SGCD: variants seen among roughly 807,000 people sequenced by gnomAD.
SGCD encodes the protein sarcoglycan delta, also known as delta-sarcoglycan.
In SGCD, 18 loss-of-function variants were observed where a neutral mutation model predicts 36.6. That is an observed-to-expected ratio of 0.49 (90% CI 0.34 to 0.73). The LOEUF (loss-of-function observed/expected upper bound fraction) is 0.73. SGCD is among the 30% of genes least tolerant of loss of function. The probability of loss-of-function intolerance (pLI) is 0.01; values close to 1 mark genes in which losing one functional copy is unlikely to be tolerated. For synonymous variants in SGCD, 133 were observed against 130.6 expected, an observed-to-expected ratio of 1.02 and a Z score of -0.12; for missense variants, 387 against 346.7, an observed-to-expected ratio of 1.12 and a Z score of -0.92.
At chr5:155,946,578 C>G (rs1561659204) in intron 1 of SGCD, among the ~76,000 whole-genome samples, 1 of 151,998 alleles carries the variant, frequency 6.6e-6, no homozygotes, top group African/African-American at 2.4e-5. Context: ...CTCAATCTTC[C>G]TAGAGATTTA....
At chr5:155,807,933 G>A in the SGCD span, among the ~76,000 whole-genome samples, 1 of 152,186 alleles carries the variant, frequency 6.6e-6, no homozygotes, top group Non-Finnish European at 1.5e-5. Context: ...AAAAGAGGCT[G>A]CATTTATTAC....
intron 7 of SGCD, among the ~76,000 whole-genome samples, chr5:156,708,426 C>T (rs282479): frequency 0.028 from 4,294 of 152,172 alleles, 185 homozygotes; most frequent in East Asian, 0.16. Context: ...TGAAAGACAG[C>T]ATGGTATAAG....
At chr5:156,030,875 C>T (rs750408934) in intron 1 of SGCD, among the ~76,000 whole-genome samples, 2 of 152,032 alleles carry the variant, frequency 1.3e-5, no homozygotes, top group Non-Finnish European at 2.9e-5. Context: ...TAGAATATAC[C>T]ATGGACTGTG....
At chr5:156,466,969 A>G (rs1754747765) in intron 3 of SGCD, among the ~76,000 whole-genome samples, 1 of 152,188 alleles carries the variant, frequency 6.6e-6, no homozygotes. Flanking sequence ...CACTCAACAC[A>G]GTGACTGGCA....
intron 3 of SGCD, among the ~76,000 whole-genome samples, chr5:156,318,995 A>G (rs997725797): frequency 6.6e-6 from 1 of 152,128 alleles, no homozygotes; most frequent in Non-Finnish European, 1.5e-5. Flanking sequence ...CTGTCTCTTT[A>G]TGCTTTTTAT....
intron 4 of SGCD, among the ~76,000 whole-genome samples, chr5:156,550,093 G>C (rs971542481): frequency 2.0e-5 from 3 of 152,176 alleles, no homozygotes; most frequent in Admixed American, 6.5e-5. Context: ...ACACACAGAG[G>C]GGGAAAGAAG....
At chr5:155,869,930 C>G (rs1755599473), upstream of SGCD, among the ~76,000 whole-genome samples, 1 of 152,086 alleles carries the variant, frequency 6.6e-6, no homozygotes, top group Admixed American at 6.6e-5. Flanking sequence ...ACCCGGGAGG[C>G]AGAGGTTCAA....
At chr5:156,652,943 G>A (rs913982603) in intron 7 of SGCD, among the ~76,000 whole-genome samples, 35 of 152,092 alleles carry the variant, frequency 2.3e-4, no homozygotes, top group Admixed American at 2.2e-3. Flanking sequence ...CAGGAATAAA[G>A]GCTATTTAAT....
intron 7 of SGCD, among the ~76,000 whole-genome samples, chr5:156,672,364 T>C (rs1215702110): frequency 2.0e-5 from 3 of 152,182 alleles, no homozygotes; most frequent in East Asian, 1.9e-4. Context: ...GTTGCCAGGA[T>C]GTACATAGTG....
intron 7 of SGCD, chr5:156,704,063 A>T (rs1430079611): frequency 3.9e-5 from 6 of 152,188 alleles, no homozygotes; most frequent in African/African-American, 1.4e-4. Context: ...TTTGGCTCAC[A>T]TCACTGAAAT....
At chr5:156,077,345 C>A (rs894582592) in intron 1 of SGCD, among the ~76,000 whole-genome samples, 2 of 152,152 alleles carry the variant, frequency 1.3e-5, no homozygotes, top group East Asian at 3.9e-4. Flanking sequence ...CAGTTACTTA[C>A]CTCTATAACC....
intron 3 of SGCD, among the ~76,000 whole-genome samples, chr5:156,184,265 T>A (rs969931126): frequency 4.7e-4 from 72 of 152,126 alleles, no homozygotes; most frequent in African/African-American, 1.6e-3. Flanking sequence ...AAAAATCCTG[T>A]TGAACCATCA....
chr5:156,665,110 G>A (rs1181016114), intron 7 of SGCD, among the ~76,000 whole-genome samples: 21 of 151,848 alleles, frequency 1.4e-4, no homozygotes, highest in African/African-American at 4.9e-4. Flanking sequence ...TTCTGGGGGT[G>A]GCCGATACTG....
At chr5:155,974,028 C>T (rs1324789741) in intron 1 of SGCD, among the ~76,000 whole-genome samples, 2 of 152,184 alleles carry the variant, frequency 1.3e-5, no homozygotes, top group Admixed American at 1.3e-4. Context: ...AGCAAGTTCT[C>T]TCTGGCAGTC....
In SGCD at chr5:156,390,214, T is replaced by TAA. The variant is rs59950725; in HGVS notation, c.192+45546_192+45547dup. On this transcript the variant is annotated intron_variant, in intron 3 of 8. Transcript: ENST00000337851. ...TTTAGAGTCTATGCCTTCTGTTTAT[T>TAA]AAAAAAAAAAGTTACATTTAAACAG... Among the ~76,000 whole-genome samples the TAA allele has an allele frequency of 3.8e-3, 580 of 150,732 alleles. 4 individuals carry two copies. Among genetic ancestry groups the TAA allele is most frequent in the Middle Eastern group, 0.021 (6 of 288 alleles).
chr5:155,843,689 G>A, the SGCD span, among the ~76,000 whole-genome samples: 2 of 152,298 alleles, frequency 1.3e-5, no homozygotes, highest in East Asian at 3.9e-4. Flanking sequence ...CTGGCTCAAG[G>A]CAAGATAATC....
At position 156,328,200 on chromosome 5, in the gene SGCD, A is replaced by C. The variant is rs1189275319; in HGVS notation, c.-44+968A>C. Among the ~76,000 whole-genome samples, 4 of 152,206 alleles carry C rather than the reference A, an allele frequency of 2.6e-5. No individual in the cohort carries two copies. The South Asian group carries it at 6.2e-4, about 24-fold the overall frequency. ...GATTTTTTCCTCTCATAGGAAAGCTATACCTTGTTTTATGTACAGCATTTA... is the reference window on the plus strand; with the variant it reads ...GATTTTTTCCTCTCATAGGAAAGCTCTACCTTGTTTTATGTACAGCATTTA... On this transcript the variant is annotated intron_variant, in intron 1 of 8. Transcript: ENST00000337851.
rs868137167 is a variant in SGCD, at chr5:156,067,895, G to A, written c.-281-49983G>A. Reference sequence around the variant, plus strand: ...CTCAGATGGAAATGCAGAAATCACCGTCTTCTGCGTCGCTCACGCTGGGAG... The same window carrying A: ...CTCAGATGGAAATGCAGAAATCACCATCTTCTGCGTCGCTCACGCTGGGAG... On this transcript the variant is annotated intron_variant, in intron 1 of 9. Transcript: ENST00000517913. 1.6e-4 allele frequency among the ~76,000 whole-genome samples: 20 copies of A among 128,914 alleles called. 1 individual carries two copies. The highest frequency in any genetic ancestry group is 2.7e-4 in the African/African-American group (6 of 21,834). 84.6% of individuals were successfully genotyped at this position (128,914 alleles called of 152,430 possible). A position where few individuals can be genotyped will look rare whatever the true frequency, so the allele number is the denominator to read the frequency against.
intron 3 of SGCD, among the ~76,000 whole-genome samples, chr5:156,472,224 G>A (rs936848126): frequency 2.0e-5 from 3 of 152,112 alleles, no homozygotes; most frequent in Admixed American, 6.6e-5. Context: ...AATGTATACC[G>A]ATCTTATGAC....
Sources: allele counts gnomAD v4.1 joint callset (sites outside exome capture counted in the v4.1 genomes callset), GRCh38; gene constraint gnomAD v4.1.1; transcripts MANE v1.5; gene names NCBI Gene and HGNC (gene_info 2026-07-23, HGNC 2026-07-21).